PLXDC2: variants seen among roughly 807,000 people sequenced by gnomAD.
PLXDC2 encodes the protein plexin domain-containing protein 2.
Under a neutral mutation model 68.9 loss-of-function variants are expected in PLXDC2, and 40 were observed. The observed-to-expected ratio is 0.58, with a 90% CI of 0.45 to 0.76. The LOEUF (loss-of-function observed/expected upper bound fraction) is 0.76. Ranked by LOEUF, PLXDC2 falls within the 30% of genes least tolerant of loss-of-function variation. The pLI, the probability that PLXDC2 is intolerant of heterozygous loss-of-function variation, is 0.00. For missense variants in PLXDC2, 644 were observed against 661.9 expected (o/e 0.97, Z 0.30); for synonymous variants, 243 against 234.2 (o/e 1.04, Z -0.34).
At chr10:19,993,050 C>T (rs1221679554) in intron 1 of PLXDC2, among the ~76,000 whole-genome samples, 1 of 152,114 alleles carries the variant, frequency 6.6e-6, no homozygotes, top group Non-Finnish European at 1.5e-5. Context: ...TACGTCAATT[C>T]CCTCATCTGT....
rs569717669 is a variant in PLXDC2, at chr10:20,084,714, G to A, written c.541+16475G>A. Among the ~76,000 whole-genome samples the A allele has an allele frequency of 1.8e-4, 28 of 152,002 alleles. 1 individual carries two copies. In the South Asian group the frequency reaches 5.8e-3, roughly 32 times the overall value. The stretch of plus-strand genomic sequence containing the variant: ...CTCTAAAAAGACAGTTGTGTTTAAC[G>A]ACACAGAGCTGCTGGCTGCCCTTGT... On this transcript the variant is annotated intron_variant, in intron 4 of 13. Coordinates refer to ENST00000377252, the MANE Select transcript of PLXDC2 (RefSeq NM_032812.9).
chr10:19,916,143 T>C (rs909868506), intron 1 of PLXDC2, among the ~76,000 whole-genome samples: 3 of 149,374 alleles, frequency 2.0e-5, no homozygotes, highest in Admixed American at 1.3e-4. Flanking sequence ...TTTGTTTTTT[T>C]TTTTTAATGG....
At chr10:19,851,215 T>C (rs965024574) in intron 1 of PLXDC2, among the ~76,000 whole-genome samples, 1 of 152,192 alleles carries the variant, frequency 6.6e-6, no homozygotes, top group African/African-American at 2.4e-5. Flanking sequence ...TCCATTGTCA[T>C]CATCCAAAGG....
chr10:20,084,162 G>A (rs1833157825), intron 4 of PLXDC2, among the ~76,000 whole-genome samples: 1 of 152,168 alleles, frequency 6.6e-6, no homozygotes, highest in Admixed American at 6.5e-5. Context: ...AAAAGGAGGT[G>A]GGTTAGAAAT....
At chr10:19,845,650 T>A (rs1476041087) in intron 1 of PLXDC2, among the ~76,000 whole-genome samples, 1 of 152,168 alleles carries the variant, frequency 6.6e-6, no homozygotes, top group Non-Finnish European at 1.5e-5. Context: ...ATAGCCCTGG[T>A]GATGTTGCAG....
At chr10:20,236,993 AGTT>A (rs372090576) in intron 12 of PLXDC2, among the ~76,000 whole-genome samples, 7 of 143,076 alleles carry the variant, frequency 4.9e-5, no homozygotes, top group East Asian at 2.1e-4. Flanking sequence ...AGGGATTATG[AGTT>A]GTTGTTTTTT....
chr10:20,104,540 T>A (rs980821431), intron 4 of PLXDC2, among the ~76,000 whole-genome samples: 2 of 152,234 alleles, frequency 1.3e-5, no homozygotes, highest in African/African-American at 4.8e-5. Flanking sequence ...GTTGTTTTTC[T>A]AATGAAAGTA....
intron 1 of PLXDC2, among the ~76,000 whole-genome samples, chr10:19,870,550 C>G (rs1021503130): frequency 1.3e-5 from 2 of 152,028 alleles, no homozygotes; most frequent in Non-Finnish European, 2.9e-5. Flanking sequence ...CTCAGCCTCC[C>G]AAGTAGCTAG....
chr10:20,050,725 CAAA>C (rs200038320), intron 3 of PLXDC2, among the ~76,000 whole-genome samples: 2 of 148,946 alleles, frequency 1.3e-5, no homozygotes, highest in African/African-American at 5.0e-5. Flanking sequence ...AACAAACAAA[CAAA>C]AAAAAACAGA....
chr10:20,159,857 G>A (rs868356406), intron 6 of PLXDC2, among the ~76,000 whole-genome samples: 3 of 152,056 alleles, frequency 2.0e-5, no homozygotes, highest in Non-Finnish European at 2.9e-5. Context: ...TACTTCCTTC[G>A]AGTTTCTGCT....
At chr10:20,147,691 G>T in intron 5 of PLXDC2, 93 bp from the exon 6 acceptor site, 1 of 704,712 alleles carries the variant, frequency 1.4e-6, no homozygotes. Context: ...AGATTTGAAG[G>T]CCAGATGCAA....
chr10:19,987,173 G>A (rs1834655599), intron 1 of PLXDC2, among the ~76,000 whole-genome samples: 1 of 152,142 alleles, frequency 6.6e-6, no homozygotes, highest in Non-Finnish European at 1.5e-5. Context: ...CTAGAGAGAT[G>A]ACCCCTGACC....
chr10:19,836,586 G>A (rs1009694404), intron 1 of PLXDC2, among the ~76,000 whole-genome samples: 50 of 152,294 alleles, frequency 3.3e-4, no homozygotes, highest in East Asian at 3.9e-4. Flanking sequence ...CTCATCTTAA[G>A]AAGTGGCAGC....
intron 1 of PLXDC2, among the ~76,000 whole-genome samples, chr10:19,936,129 A>G (rs1833719217): frequency 6.6e-6 from 1 of 152,216 alleles, no homozygotes; most frequent in Non-Finnish European, 1.5e-5. Context: ...AAAAATTACA[A>G]ATTCCAATTG....
intron 1 of PLXDC2, among the ~76,000 whole-genome samples, chr10:19,894,807 G>A (rs894405548): frequency 1.3e-5 from 2 of 152,152 alleles, no homozygotes; most frequent in Non-Finnish European, 2.9e-5. Flanking sequence ...GGAGAAATAG[G>A]AACGCTTTTA....
chr10:20,179,546 G>A (rs1196437096), intron 9 of PLXDC2, among the ~76,000 whole-genome samples: 1 of 152,052 alleles, frequency 6.6e-6, no homozygotes, highest in Non-Finnish European at 1.5e-5. Flanking sequence ...CTAACCAGAA[G>A]ACAATTAGAA....
At chr10:19,852,947 A>G (rs1275382503) in intron 1 of PLXDC2, among the ~76,000 whole-genome samples, 1 of 152,248 alleles carries the variant, frequency 6.6e-6, no homozygotes, top group Admixed American at 6.5e-5. Flanking sequence ...CAATATAATC[A>G]TCACCAGGCT....
intron 1 of PLXDC2, among the ~76,000 whole-genome samples, chr10:19,858,933 A>G (rs1837266488): frequency 1.3e-5 from 2 of 152,002 alleles, no homozygotes; most frequent in African/African-American, 4.8e-5. Flanking sequence ...CATGGCGCCA[A>G]CATCTACATC....
At chr10:20,071,792 C>T (rs904781253) in intron 4 of PLXDC2, among the ~76,000 whole-genome samples, 1 of 152,088 alleles carries the variant, frequency 6.6e-6, no homozygotes, top group Non-Finnish European at 1.5e-5. Context: ...TTGGGCCAGT[C>T]AATTAAGAAG....
Sources: allele counts gnomAD v4.1 joint callset (sites outside exome capture counted in the v4.1 genomes callset), GRCh38; gene constraint gnomAD v4.1.1; transcripts MANE v1.5; gene names NCBI Gene and HGNC (gene_info 2026-07-23, HGNC 2026-07-21).